Variants in IGSF10 observed in about 807,000 individuals in gnomAD.
IGSF10 encodes calvaria mechanical force protein 608.
A neutral mutation model predicts 128.2 loss-of-function variants in IGSF10; 126 were observed. That is an observed-to-expected ratio of 0.98 (90% CI 0.85 to 1.14). The LOEUF is 1.14. Among genes scored for constraint, IGSF10 ranks in the 50% most tolerant of loss-of-function variants. The pLI, the probability that IGSF10 is intolerant of heterozygous loss-of-function variation, is 0.00. For missense variants in IGSF10, 3,295 were observed against 3,149.8 expected, an observed-to-expected ratio of 1.05 and a Z score of -1.10; for synonymous variants, 1,185 against 1,146.2, an observed-to-expected ratio of 1.03 and a Z score of -0.68.
At chr3:151,550,578 G>C in the IGSF10 span, among the ~76,000 whole-genome samples, 6 of 152,076 alleles carry the variant, frequency 3.9e-5, no homozygotes, top group African/African-American at 1.4e-4. Context: ...GGGGTGTTTT[G>C]GGATAGGGAT....
chr3:151,472,406 AGAGGAACTCATTTTATTGGGC>A, the IGSF10 span, among the ~76,000 whole-genome samples: 1 of 152,218 alleles, frequency 6.6e-6, no homozygotes, highest in Non-Finnish European at 1.5e-5. Flanking sequence ...TTCCAGTGAT[AGAGGAACTCATTTTATTGGGC>A]AAGTTATAAA....
At chr3:151,467,540 G>C in the IGSF10 span, among the ~76,000 whole-genome samples, 1 of 152,114 alleles carries the variant, frequency 6.6e-6, no homozygotes, top group Non-Finnish European at 1.5e-5. Context: ...CCTGAGGAGG[G>C]TATTAAAGAC....
chr3:151,609,628 G>T, the IGSF10 span, among the ~76,000 whole-genome samples: 1 of 152,042 alleles, frequency 6.6e-6, no homozygotes, highest in African/African-American at 2.4e-5. Flanking sequence ...AGAAAATGTG[G>T]TACATATACA....
At chr3:151,465,204 G>C (rs1006377980), upstream of IGSF10, among the ~76,000 whole-genome samples, 3 of 152,220 alleles carry the variant, frequency 2.0e-5, no homozygotes, top group African/African-American at 7.2e-5. Context: ...AGAGAGGATG[G>C]ATGAATCTCA....
chr3:151,577,188 A>G, the IGSF10 span, among the ~76,000 whole-genome samples: 1 of 152,138 alleles, frequency 6.6e-6, no homozygotes, highest in Non-Finnish European at 1.5e-5. Flanking sequence ...TTCTTTTGGT[A>G]TTTAGGAAGA....
At chr3:151,472,466 C>T in the IGSF10 span, among the ~76,000 whole-genome samples, 13 of 152,126 alleles carry the variant, frequency 8.5e-5, no homozygotes, top group East Asian at 3.8e-4. Context: ...ACCAATGCAG[C>T]GGCATTACCA....
At chr3:151,470,096 C>CA in the IGSF10 span, among the ~76,000 whole-genome samples, 1 of 152,234 alleles carries the variant, frequency 6.6e-6, no homozygotes, top group South Asian at 2.1e-4. Flanking sequence ...AAGGATTTAC[C>CA]AAAGCCCTTT....
At chr3:151,486,912 A>G in the IGSF10 span, among the ~76,000 whole-genome samples, 4 of 152,332 alleles carry the variant, frequency 2.6e-5, no homozygotes, top group Admixed American at 2.0e-4. Flanking sequence ...TCCTAACATC[A>G]TAATTAGAAG....
the IGSF10 span, among the ~76,000 whole-genome samples, chr3:151,510,393 G>A: frequency 6.6e-6 from 1 of 152,228 alleles, no homozygotes; most frequent in Non-Finnish European, 1.5e-5. Flanking sequence ...CAACAGACCT[G>A]CAGTCTGTTG....
At chr3:151,577,737 T>C in the IGSF10 span, among the ~76,000 whole-genome samples, 2 of 151,848 alleles carry the variant, frequency 1.3e-5, no homozygotes, top group East Asian at 1.9e-4. Context: ...ACTATAGATA[T>C]AGTAACTTTT....
the IGSF10 span, among the ~76,000 whole-genome samples, chr3:151,485,000 C>A: frequency 6.6e-6 from 1 of 152,066 alleles, no homozygotes; most frequent in Non-Finnish European, 1.5e-5. Flanking sequence ...TAATAACAAA[C>A]TCCTCCAAGC....
Position 151,436,869 on chromosome 3 carries a change from C to A in IGSF10, c.7692G>T (p.Met2564Ile). Residue 2564 changes from methionine to isoleucine, a missense_variant, in exon 8 of 8, where the codon ATG becomes ATT. Transcript: ENST00000282466. ...GVPKPEITWE[M>I]PDHSLLSTAS... ...CCGTTGAGAGAAGGGAGTGGTCAGG[C>A]ATCTCCCATGTGATTTCTGGCTTGG... 1.2e-6 allele frequency: 2 copies of A among 1,614,134 alleles called. No individual in the cohort carries two copies. The highest frequency in any genetic ancestry group is 1.7e-6 in the Non-Finnish European group (2 of 1,180,014).
chr3:151,594,720 G>T, the IGSF10 span, among the ~76,000 whole-genome samples: 1 of 150,942 alleles, frequency 6.6e-6, no homozygotes, highest in African/African-American at 2.4e-5. Flanking sequence ...ATAGTAGGGT[G>T]ACTATAGTTA....
the IGSF10 span, among the ~76,000 whole-genome samples, chr3:151,594,666 T>A: frequency 6.7e-6 from 1 of 149,860 alleles, no homozygotes; most frequent in South Asian, 2.1e-4. Flanking sequence ...TATGATAAAC[T>A]ATAGAACTGT....
chr3:151,540,860 G>T, the IGSF10 span, among the ~76,000 whole-genome samples: 2 of 152,162 alleles, frequency 1.3e-5, no homozygotes, highest in Admixed American at 1.3e-4. Flanking sequence ...CATGGCAAAA[G>T]GAACTTTCAG....
At chr3:151,548,197 G>T in the IGSF10 span, among the ~76,000 whole-genome samples, 1 of 152,134 alleles carries the variant, frequency 6.6e-6, no homozygotes, top group East Asian at 1.9e-4. Flanking sequence ...ACCCTAAGTG[G>T]CAATATAAGA....
the IGSF10 span, among the ~76,000 whole-genome samples, chr3:151,568,571 T>A: frequency 6.6e-6 from 1 of 152,206 alleles, no homozygotes. Context: ...TTCACCCCTG[T>A]GTGTAATAAG....
At chr3:151,615,052 G>T in the IGSF10 span, among the ~76,000 whole-genome samples, 1 of 152,098 alleles carries the variant, frequency 6.6e-6, no homozygotes, top group African/African-American at 2.4e-5. Flanking sequence ...GCTAAGGTCA[G>T]AAAAATTTTA....
chr3:151,539,800 C>G, the IGSF10 span, among the ~76,000 whole-genome samples: 1 of 149,870 alleles, frequency 6.7e-6, no homozygotes, highest in South Asian at 2.1e-4. Context: ...ATCTATCTAT[C>G]TATCTATCTA....
Sources: allele counts gnomAD v4.1 joint callset (sites outside exome capture counted in the v4.1 genomes callset), GRCh38; gene constraint gnomAD v4.1.1; transcripts MANE v1.5; gene names NCBI Gene and HGNC (gene_info 2026-07-23, HGNC 2026-07-21).